Variants in COL23A1 observed in about 807,000 individuals in gnomAD.
The protein encoded by COL23A1 is collagen type XXIII alpha 1 chain.
COL23A1 carries 97 observed loss-of-function variants against 99.3 expected under a neutral mutation model. That is an observed-to-expected ratio of 0.98 (90% confidence interval 0.83 to 1.16). The LOEUF is 1.16. Ranked by LOEUF, COL23A1 falls within the 50% of genes most tolerant of loss-of-function variation. COL23A1 has a pLI of 0.00. For missense variants in COL23A1, 762 were observed against 757.4 expected (o/e 1.01, Z -0.07); for synonymous variants, 320 against 308.2 (o/e 1.04, Z -0.40).
chr5:178,422,983 T>G (rs1342775441), intron 2 of COL23A1, among the ~76,000 whole-genome samples: 1 of 152,138 alleles, frequency 6.6e-6, no homozygotes, highest in Non-Finnish European at 1.5e-5. Context: ...TTTTTAATTT[T>G]TTAGAGACAG....
chr5:178,305,841 G>A (rs56141387), intron 3 of COL23A1, among the ~76,000 whole-genome samples: 3 of 152,288 alleles, frequency 2.0e-5, no homozygotes, highest in Non-Finnish European at 4.4e-5. Context: ...GAGGCTCATG[G>A]GGACTTGGCG....
intron 8 of COL23A1, 51 bp from the exon 9 acceptor site, chr5:178,263,375 C>CTCTCTGGAGGCTGGA: frequency 8.4e-7 from 1 of 1,190,054 alleles, no homozygotes; most frequent in Non-Finnish European, 1.2e-6. Context: ...GGTCCAGCCT[C>CTCTCTGGAGGCTGGA]CAGAGAGAGG....
chr5:178,299,883 A>AAT, intron 3 of COL23A1, among the ~76,000 whole-genome samples: 1 of 150,718 alleles, frequency 6.6e-6, no homozygotes, highest in East Asian at 2.0e-4. Flanking sequence ...CCTCCCGAGT[A>AAT]GCTGGGATTA....
chr5:178,542,269 G>T (rs1761333247), intron 2 of COL23A1, among the ~76,000 whole-genome samples: 1 of 152,166 alleles, frequency 6.6e-6, no homozygotes, highest in Non-Finnish European at 1.5e-5. Flanking sequence ...GGCCAGGCTG[G>T]TCTCGCCCGC....
chr5:178,558,395 C>A (rs1762391717), intron 2 of COL23A1, among the ~76,000 whole-genome samples: 1 of 152,110 alleles, frequency 6.6e-6, no homozygotes, highest in South Asian at 2.1e-4. Context: ...CAGCTTGTGT[C>A]CCCCTTCTCC....
Position 178,425,089 on chromosome 5 carries a change from G to A in COL23A1, c.362-118170C>T, listed in dbSNP as rs1044414573. 3.4e-4 allele frequency among the ~76,000 whole-genome samples: 52 copies of A among 152,262 alleles called. 1 individual carries two copies. Among genetic ancestry groups the A allele is most frequent in the South Asian group, 2.1e-3 (10 of 4,818 alleles). ...TGGAGACAACGCATGCCTGGCCAGCGGAGAAAAACGCAAAGCAGCCTGTAA... is the reference window on the plus strand; with the variant it reads ...TGGAGACAACGCATGCCTGGCCAGCAGAGAAAAACGCAAAGCAGCCTGTAA... On this transcript the variant is annotated intron_variant, in intron 2 of 28. Transcript: ENST00000390654.
At chr5:178,356,997 G>A (rs1245121939) in intron 2 of COL23A1, among the ~76,000 whole-genome samples, 1 of 152,252 alleles carries the variant, frequency 6.6e-6, no homozygotes, top group African/African-American at 2.4e-5. Flanking sequence ...ACAAAAGTTA[G>A]GCTGGCCTTT....
chr5:178,311,484 CTG>C (rs1006253790), intron 2 of COL23A1, among the ~76,000 whole-genome samples: 24 of 58,132 alleles, frequency 4.1e-4, no homozygotes, highest in East Asian at 2.4e-3. Context: ...GTTCTTTCCT[CTG>C]TGTGTGTGTG....
chr5:178,354,966 G>C (rs1173849390), intron 2 of COL23A1, among the ~76,000 whole-genome samples: 1 of 151,780 alleles, frequency 6.6e-6, no homozygotes, highest in Non-Finnish European at 1.5e-5. Context: ...GCTGAAGCAG[G>C]AGAATCGCTT....
At chr5:178,429,765 C>A (rs1422965712) in intron 2 of COL23A1, among the ~76,000 whole-genome samples, 1 of 152,180 alleles carries the variant, frequency 6.6e-6, no homozygotes, top group Non-Finnish European at 1.5e-5. Flanking sequence ...CTGCACCACC[C>A]TCTATGGCTC....
intron 2 of COL23A1, among the ~76,000 whole-genome samples, chr5:178,358,671 A>ATGTG (rs58325319): frequency 0.67 from 97,512 of 144,582 alleles, 32,290 homozygotes; most frequent in African/African-American, 0.73. Flanking sequence ...TATGTGTCTA[A>ATGTG]TGTGTATGTG....
At chr5:178,390,845 T>C (rs990837563) in intron 2 of COL23A1, among the ~76,000 whole-genome samples, 1 of 152,216 alleles carries the variant, frequency 6.6e-6, no homozygotes, top group Non-Finnish European at 1.5e-5. Flanking sequence ...AAAACATAGG[T>C]GTAAATCTTC....
rs750426874 is a variant in COL23A1, at chr5:178,428,455, G to C, written c.362-121536C>G. ...GGGCCCCTTCCTCATTCTGCTGCTC[G>C]GAACTCCTTGTGACAAGGACTGAGT... On this transcript the variant is annotated intron_variant, in intron 2 of 28. Transcript: ENST00000390654. This position sits in a 1 kb window ranked among gnomAD's most constrained non-coding sequence, Gnocchi z 5.0. Among the ~76,000 whole-genome samples, 25 of 152,184 alleles carry C rather than the reference G, an allele frequency of 1.6e-4. No homozygotes were observed. Among genetic ancestry groups the C allele is most frequent in the Non-Finnish European group, 1.3e-4 (9 of 68,020 alleles).
chr5:178,567,421 CA>C (rs1762890513), intron 1 of COL23A1, among the ~76,000 whole-genome samples: 1 of 152,116 alleles, frequency 6.6e-6, no homozygotes, highest in African/African-American at 2.4e-5. Flanking sequence ...GGGTTGGGGT[CA>C]GGGGCACTCG....
At position 178,288,256 on chromosome 5, in the gene COL23A1, G is replaced by A. The variant is rs184736441; in HGVS notation, c.441+68C>T. ...AGGAGCGCAGACAGAGTTAAATCAA[G>A]GCTCAGGGAAAGAATATTGGTTTAA... On this transcript the variant is annotated intron_variant, in intron 5 of 28. Coordinates refer to ENST00000390654, the MANE Select transcript of COL23A1 (RefSeq NM_173465.4). The A allele has an allele frequency of 1.1e-5, 15 of 1,309,632 alleles. No homozygotes were observed. The East Asian group carries it at 3.0e-4, about 26-fold the overall frequency. 81.1% of individuals were successfully genotyped at this position (1,309,632 alleles called of 1,614,324 possible). A position where few individuals can be genotyped will look rare whatever the true frequency, so the allele number is the denominator to read the frequency against.
At chr5:178,349,259 C>A (rs1158129349) in intron 2 of COL23A1, among the ~76,000 whole-genome samples, 1 of 152,146 alleles carries the variant, frequency 6.6e-6, no homozygotes, top group African/African-American at 2.4e-5. Context: ...GGGGCACAGG[C>A]AGCTGGGTGA....
At chr5:178,491,037 G>A (rs1028072628) in intron 2 of COL23A1, among the ~76,000 whole-genome samples, 1 of 151,730 alleles carries the variant, frequency 6.6e-6, no homozygotes, top group Non-Finnish European at 1.5e-5. Context: ...AGAAAGCTAA[G>A]AGAGAAGAGA....
intron 1 of COL23A1, chr5:178,562,167 G>T: frequency 2.1e-6 from 1 of 482,474 alleles, no homozygotes; most frequent in Non-Finnish European, 4.1e-6. Context: ...GCTTTAACGC[G>T]AGAGGCGGAG....
intron 2 of COL23A1, among the ~76,000 whole-genome samples, chr5:178,487,793 G>T (rs999524315): frequency 6.6e-6 from 1 of 152,252 alleles, no homozygotes; most frequent in Non-Finnish European, 1.5e-5. Context: ...ATCCTAACTC[G>T]GAACAGCCAG....
Sources: allele counts gnomAD v4.1 joint callset (sites outside exome capture counted in the v4.1 genomes callset), GRCh38; gene constraint gnomAD v4.1.1; non-coding constraint Gnocchi (gnomAD v3.1); transcripts MANE v1.5; gene names NCBI Gene and HGNC (gene_info 2026-07-23, HGNC 2026-07-21).